ANP32E: variants seen among roughly 807,000 people sequenced by gnomAD.
The protein encoded by ANP32E is acidic leucine-rich nuclear phosphoprotein 32 family member E.
A neutral mutation model predicts 35.3 loss-of-function variants in ANP32E; 14 were observed. That is an observed-to-expected ratio of 0.40 (90% CI 0.26 to 0.62). ANP32E has a LOEUF of 0.62. Among genes scored for constraint, ANP32E ranks in the 20% least tolerant of loss-of-function variants. The pLI, the probability that ANP32E is intolerant of heterozygous loss-of-function variation, is 0.45. For missense variants in ANP32E, 198 were observed against 304.4 expected (o/e 0.65, Z 2.60); for synonymous variants, 89 against 110.4 (o/e 0.81, Z 1.22).
In ANP32E at chr1:150,226,770, T is replaced by A; in HGVS notation, c.519A>T (p.Glu173Asp). The A allele has an allele frequency of 6.2e-7, 1 of 1,603,922 alleles. No homozygotes were observed. The highest frequency in any genetic ancestry group is 8.5e-7 in the Non-Finnish European group (1 of 1,174,034). The change falls in exon 5 of 7, where the codon GAA becomes GAT. Residue 173 changes from glutamate to aspartate, a missense_variant. This residue lies in a region of ANP32E where 121 missense variants were observed against 137.3 expected (regional missense o/e 0.88). Transcript: ENST00000583931. The part of the protein sequence containing the change: ...DEDGDEDDEE[E>D]EENEAGPPEG... ...CCGGTGGACCAGCTTCATTTTCCTC[T>A]TCCTCTTCATCATCTTCATCGCCAT... is the stretch of plus-strand genomic sequence containing the variant.
chr1:150,226,664 A>G lies in ANP32E; in HGVS notation c.625T>C (p.Leu209=), dbSNP rs782608108. 2 of 1,610,746 alleles carry G rather than the reference A, an allele frequency of 1.2e-6. No individual in the cohort carries two copies. The highest frequency in any genetic ancestry group is 2.7e-5 in the African/African-American group (2 of 74,632). The change falls in exon 5 of 7, where the codon TTG becomes CTG. Residue 209 remains leucine (L), a synonymous_variant. Transcript: ENST00000583931. The part of the protein sequence containing the change: ...DEDEDEAGSE[L]GEGEEEVGLS... Reference sequence around the variant, plus strand: ...CCCACTTCCTCTTCTCCCTCTCCCAACTCTGAACCTGCTTCATCTTCATCT... The same window carrying G: ...CCCACTTCCTCTTCTCCCTCTCCCAGCTCTGAACCTGCTTCATCTTCATCT...
chr1:150,223,051 A>C, intron 6 of ANP32E, 135 bp downstream of exon 6: 1 of 1,105,822 alleles, frequency 9.0e-7, no homozygotes. Flanking sequence ...CTCTATGATA[A>C]AGCAAAATCA....
rs1273759338 is a variant in ANP32E at position 150,219,798 on chromosome 1, A to T, written c.*893T>A. On this transcript the variant is annotated 3_prime_UTR_variant, in exon 7 of 7. Coordinates refer to ENST00000583931, the MANE Select transcript of ANP32E (RefSeq NM_030920.5). ...CTTCTACTTCACTTATTTAAAACCC[A>T]GACAGGACTGAAAGGTAGTTGAGGT... 5.3e-5 allele frequency: 8 copies of T among 152,212 alleles called. 1 individual carries two copies. The highest frequency in any genetic ancestry group is 1.9e-4 in the African/African-American group (8 of 41,454). The allele number at this position is 152,212 out of a possible 1,614,324, so 9.4% of individuals were successfully genotyped here. A position where few individuals can be genotyped will look rare whatever the true frequency, so the allele number is the denominator to read the frequency against.
At position 150,231,873 on chromosome 1, in the gene ANP32E, G is replaced by T; in HGVS notation, c.108C>A (p.Gly36=). ...CTAGTTCTTTGAAAGTATCATTCAGGCCTTCAATTTCCCCATTGACACACA... is the reference window on the plus strand; with the variant it reads ...CTAGTTCTTTGAAAGTATCATTCAGTCCTTCAATTTCCCCATTGACACACA... ...NCLCVNGEIE[G]LNDTFKELEF... is the part of the protein sequence containing the mutation. The change falls in exon 2 of 7, where the codon GGC becomes GGA. Residue 36 remains glycine (G), a synonymous_variant. Transcript: ENST00000583931. 6.2e-7 allele frequency: 1 copy of T among 1,612,684 alleles called. No homozygotes were observed.
chr1:150,225,853 C>G (rs1474576991), intron 5 of ANP32E, among the ~76,000 whole-genome samples: 1 of 151,914 alleles, frequency 6.6e-6, no homozygotes, highest in East Asian at 1.9e-4. Flanking sequence ...TGTATTCAGA[C>G]AGACTATTTA....
chr1:150,228,025 G>T (rs1553840577), intron 4 of ANP32E, among the ~76,000 whole-genome samples: 1 of 151,110 alleles, frequency 6.6e-6, no homozygotes, highest in Non-Finnish European at 1.5e-5. Context: ...TCTACTTTCT[G>T]TCTCAATGGA....
chr1:150,221,964 C>A (rs1271684524), intron 6 of ANP32E, among the ~76,000 whole-genome samples: 1 of 151,762 alleles, frequency 6.6e-6, no homozygotes, highest in African/African-American at 2.4e-5. Flanking sequence ...GTGGTGGGCA[C>A]CTGTAGTCTC....
intron 6 of ANP32E, among the ~76,000 whole-genome samples, chr1:150,222,128 A>G (rs1312395618): frequency 6.7e-6 from 1 of 150,046 alleles, no homozygotes; most frequent in African/African-American, 2.5e-5. Flanking sequence ...AAAATAAAAT[A>G]AAATAAAATA....
At chr1:150,221,050 G>A (rs900014083) in intron 6 of ANP32E, among the ~76,000 whole-genome samples, 1 of 135,528 alleles carries the variant, frequency 7.4e-6, no homozygotes, top group Non-Finnish European at 1.5e-5. Context: ...GGAAGGCAGA[G>A]GTTCCAGTGA....
In ANP32E at chr1:150,221,326, C is replaced by A. The variant is rs1553837789; in HGVS notation, c.737-565G>T. ...TGGTGGCAGGTGCCTGTAGTCCCAGCCACCTGGGAGGCTGGGGCAGGAGAA... is the reference window on the plus strand; with the variant it reads ...TGGTGGCAGGTGCCTGTAGTCCCAGACACCTGGGAGGCTGGGGCAGGAGAA... On this transcript the variant is annotated intron_variant, in intron 6 of 6. Coordinates refer to ENST00000583931, the MANE Select transcript of ANP32E (RefSeq NM_030920.5). Among the ~76,000 whole-genome samples, 19 of 150,162 alleles carry A rather than the reference C, an allele frequency of 1.3e-4. 1 individual carries two copies.
chr1:150,230,495 AAATT>A, intron 3 of ANP32E, 72 bp downstream of exon 3: 1 of 1,412,544 alleles, frequency 7.1e-7, no homozygotes, highest in Non-Finnish European at 9.5e-7. Flanking sequence ...AGTTAAATAG[AAATT>A]AATAGACACA....
chr1:150,225,642 G>A (rs1648801412), intron 5 of ANP32E, among the ~76,000 whole-genome samples: 1 of 124,350 alleles, frequency 8.0e-6, no homozygotes. Flanking sequence ...CTGCACTCCA[G>A]CCTGGGCAAC....
intron 2 of ANP32E, among the ~76,000 whole-genome samples, chr1:150,231,003 A>G (rs1553841584): frequency 2.0e-5 from 3 of 152,114 alleles, no homozygotes; most frequent in Non-Finnish European, 4.4e-5. Context: ...TCGGCCTCCC[A>G]AAGTGCTGGG....
At chr1:150,223,656 G>A (rs1648619738) in intron 5 of ANP32E, among the ~76,000 whole-genome samples, 1 of 138,026 alleles carries the variant, frequency 7.2e-6, no homozygotes, top group Non-Finnish European at 1.5e-5. Flanking sequence ...ACTCCAGCCT[G>A]GCAGAAAAGA....
chr1:150,224,616 A>G (rs1553839275), intron 5 of ANP32E, among the ~76,000 whole-genome samples: 1 of 151,882 alleles, frequency 6.6e-6, no homozygotes, highest in Non-Finnish European at 1.5e-5. Context: ...GTTCTTCATT[A>G]TATATAGCTC....
In ANP32E at chr1:150,235,597, C is replaced by A. The variant is rs1553843087; in HGVS notation, c.54+136G>T. On this transcript the variant is annotated intron_variant, in intron 1 of 6. Coordinates refer to ENST00000583931, the MANE Select transcript of ANP32E (RefSeq NM_030920.5). This position sits in a 1 kb window ranked among gnomAD's most constrained non-coding sequence, Gnocchi z 4.2. The stretch of plus-strand genomic sequence containing the variant: ...TAATGATTTAAAACTTAAAATTAAA[C>A]ATTTCCCCAACCCTAACCCGGGGGG... 11 of 925,124 alleles carry A rather than the reference C, an allele frequency of 1.2e-5. No homozygotes were observed. In the East Asian group the frequency reaches 2.4e-4, roughly 20 times the overall value. 57.3% of individuals were successfully genotyped at this position (925,124 alleles called of 1,614,324 possible). A position where few individuals can be genotyped will look rare whatever the true frequency, so the allele number is the denominator to read the frequency against.
chr1:150,226,492 T>C, intron 5 of ANP32E, 116 bp downstream of exon 5: 1 of 1,237,638 alleles, frequency 8.1e-7, no homozygotes. Context: ...TGGATAGACA[T>C]ATGCACACCC....
At chr1:150,230,745 A>AAT in intron 2 of ANP32E, 52 bp from the exon 3 acceptor site, 2 of 1,404,706 alleles carry the variant, frequency 1.4e-6, no homozygotes, top group Admixed American at 2.8e-5. Context: ...ATCATATCAA[A>AAT]CTTTTTTTTT....
chr1:150,235,886 A>G lies in ANP32E; in HGVS notation c.-100T>C. The stretch of plus-strand genomic sequence containing the variant: ...TTTAAGAGATTTAGAAATGAATGAA[A>G]AGGAACGCAAATATAAACGCCCACT... On this transcript the variant is annotated 5_prime_UTR_variant, in exon 1 of 7. Coordinates refer to ENST00000583931, the MANE Select transcript of ANP32E (RefSeq NM_030920.5). The surrounding 1 kb of genome is among the most constrained non-coding windows in gnomAD (Gnocchi z 4.2). 1 of 811,286 alleles carries G rather than the reference A, an allele frequency of 1.2e-6. No homozygotes were observed. The highest frequency in any genetic ancestry group is 2.7e-5 in the East Asian group (1 of 37,170). The allele number at this position is 811,286 out of a possible 1,614,324, so 50.3% of individuals were successfully genotyped here.
Sources: gnomAD v4.1 joint callset for allele counts (sites outside exome capture counted in the v4.1 genomes callset) on GRCh38, gnomAD v4.1.1 for gene constraint, gnomAD v4.1.1 regional missense constraint, Gnocchi (gnomAD v3.1) non-coding constraint, MANE v1.5 for transcripts, NCBI Gene and HGNC (gene_info 2026-07-23, HGNC 2026-07-21) for gene names.